The following SMAP1 variants were observed in gnomAD, a reference collection of about 807,000 sequenced individuals.
SMAP1 encodes the protein stromal membrane-associated protein 1.
In SMAP1, 24 loss-of-function variants were observed where a neutral mutation model predicts 58.5. That is an observed-to-expected ratio of 0.41 (90% CI 0.30 to 0.58). The LOEUF (loss-of-function observed/expected upper bound fraction) is 0.58. Ranked by LOEUF, SMAP1 falls within the 20% of genes least tolerant of loss-of-function variation. The pLI is 0.29. For missense variants in SMAP1, 563 were observed against 566.3 expected, an observed-to-expected ratio of 0.99 and a Z score of 0.06; for synonymous variants, 216 against 196.6, an observed-to-expected ratio of 1.10 and a Z score of -0.82.
At position 70,794,788 on chromosome 6, in the gene SMAP1, CTTTTTTTT is replaced by C. The variant is rs34050089; in HGVS notation, c.495+3030_495+3037del. Among the ~76,000 whole-genome samples, 7 of 114,974 alleles carry C rather than the reference CTTTTTTTT, an allele frequency of 6.1e-5. No individual in the cohort carries two copies. In the South Asian group the frequency reaches 1.7e-3, roughly 28 times the overall value. The allele number at this position is 114,974 out of a possible 152,430, so 75.4% of individuals were successfully genotyped here. ...GGTGTATTGTGCCACATTTTCTTTTCTTTTTTTTTTTTTTTTTTGAGATGGAGTTTCAC... is the reference window on the plus strand; with the variant it reads ...GGTGTATTGTGCCACATTTTCTTTTCTTTTTTTTTTGAGATGGAGTTTCAC... On this transcript the variant is annotated intron_variant, in intron 5 of 10. Transcript: ENST00000370455.
chr6:70,813,576 A>G (rs1769482565), intron 6 of SMAP1, among the ~76,000 whole-genome samples: 2 of 152,070 alleles, frequency 1.3e-5, no homozygotes, highest in African/African-American at 4.8e-5. Context: ...ATCATTTTTT[A>G]CCTTCTCTTC....
chr6:70,699,576 C>G (rs1158982474), intron 1 of SMAP1, among the ~76,000 whole-genome samples: 3 of 151,584 alleles, frequency 2.0e-5, no homozygotes, highest in African/African-American at 7.3e-5. Context: ...CCACTTAATG[C>G]ACTGTTCTGC....
chr6:70,840,572 G>C (rs1474470158), intron 7 of SMAP1, among the ~76,000 whole-genome samples: 1 of 149,540 alleles, frequency 6.7e-6, no homozygotes, highest in African/African-American at 2.6e-5. Context: ...GCATGCTTGT[G>C]TTCCGATCAT....
intron 4 of SMAP1, among the ~76,000 whole-genome samples, chr6:70,781,245 A>G (rs546906069): frequency 8.5e-5 from 13 of 152,294 alleles, no homozygotes; most frequent in Non-Finnish European, 2.9e-5. Context: ...TTAAAATATT[A>G]AATATTAAGA....
intron 4 of SMAP1, among the ~76,000 whole-genome samples, chr6:70,790,236 G>A (rs913501820): frequency 6.6e-6 from 1 of 152,094 alleles, no homozygotes; most frequent in Non-Finnish European, 1.5e-5. Context: ...CGCCTCCCAG[G>A]TTCATGTGAT....
At chr6:70,842,957 G>C (rs1417111102) in intron 7 of SMAP1, among the ~76,000 whole-genome samples, 1 of 152,134 alleles carries the variant, frequency 6.6e-6, no homozygotes, top group East Asian at 1.9e-4. Context: ...GGTACGCTTG[G>C]TCAGAATTGG....
chr6:70,701,615 C>T (rs931041689), intron 1 of SMAP1, among the ~76,000 whole-genome samples: 3 of 152,168 alleles, frequency 2.0e-5, no homozygotes, highest in East Asian at 3.9e-4. Context: ...GATTTCTGCC[C>T]TGTGTCGCTT....
chr6:70,861,930 A>T lies in SMAP1; in HGVS notation c.*1596A>T. The T allele has an allele frequency of 2.5e-6, 4 of 1,614,022 alleles. No homozygotes were observed. On this transcript the variant is annotated 3_prime_UTR_variant, in exon 11 of 11. Coordinates refer to ENST00000370455, the MANE Select transcript of SMAP1 (RefSeq NM_001044305.3). The stretch of plus-strand genomic sequence containing the variant: ...CCCTGGCTGGGATCCACGACGCTTA[A>T]ATACAGCTTTTGGATTGGACAAAAT...
At chr6:70,788,663 C>G (rs1256726030) in intron 4 of SMAP1, among the ~76,000 whole-genome samples, 1 of 151,978 alleles carries the variant, frequency 6.6e-6, no homozygotes, top group Admixed American at 6.6e-5. Context: ...CCCTAGAGTT[C>G]AGAGAAGCAG....
At chr6:70,778,825 T>A (rs1256205567) in intron 4 of SMAP1, among the ~76,000 whole-genome samples, 1 of 152,190 alleles carries the variant, frequency 6.6e-6, no homozygotes, top group African/African-American at 2.4e-5. Context: ...CAGATATATA[T>A]GGTGGCCATG....
At chr6:70,791,838 G>T (rs993731544) in intron 5 of SMAP1, 69 bp downstream of exon 5, 2 of 1,297,634 alleles carry the variant, frequency 1.5e-6, no homozygotes, top group Admixed American at 1.8e-5. Context: ...TTTGCAGTGT[G>T]TCATTCGGGA....
chr6:70,720,087 A>G (rs1196444040), intron 1 of SMAP1, among the ~76,000 whole-genome samples: 2 of 152,218 alleles, frequency 1.3e-5, no homozygotes, highest in Admixed American at 6.5e-5. Context: ...CCTTTTGCCT[A>G]TGAGCATGTA....
intron 6 of SMAP1, among the ~76,000 whole-genome samples, chr6:70,820,198 C>A (rs1339118667): frequency 6.6e-6 from 1 of 151,920 alleles, no homozygotes; most frequent in East Asian, 1.9e-4. Context: ...TGTATTTATA[C>A]CTTTAAGGAA....
chr6:70,757,397 A>C (rs1385621008), intron 3 of SMAP1, among the ~76,000 whole-genome samples: 2 of 151,734 alleles, frequency 1.3e-5, no homozygotes, highest in Non-Finnish European at 2.9e-5. Flanking sequence ...TAAACGTTAG[A>C]CCTAAAACAA....
At chr6:70,679,504 G>A (rs979003947) in intron 1 of SMAP1, among the ~76,000 whole-genome samples, 6 of 152,078 alleles carry the variant, frequency 3.9e-5, no homozygotes, top group African/African-American at 1.4e-4. Flanking sequence ...TTATAGAAAA[G>A]CTATTAGAAT....
chr6:70,699,712 A>G (rs1767549056), intron 1 of SMAP1, among the ~76,000 whole-genome samples: 2 of 151,754 alleles, frequency 1.3e-5, no homozygotes, highest in African/African-American at 4.8e-5. Flanking sequence ...CTGCCTCGCC[A>G]CTGCTGATGT....
chr6:70,802,684 A>G (rs773671357), intron 6 of SMAP1, among the ~76,000 whole-genome samples: 24 of 152,198 alleles, frequency 1.6e-4, no homozygotes, highest in Non-Finnish European at 2.6e-4. Context: ...TGTTTCATCA[A>G]TATCTAGTTT....
chr6:70,727,336 T>C (rs1428739555), intron 1 of SMAP1, among the ~76,000 whole-genome samples: 1 of 152,230 alleles, frequency 6.6e-6, no homozygotes, highest in African/African-American at 2.4e-5. Context: ...CTTGAATTCC[T>C]GGCCTTAAGT....
At chr6:70,846,683 C>T (rs781596978) in intron 7 of SMAP1, among the ~76,000 whole-genome samples, 13 of 152,110 alleles carry the variant, frequency 8.5e-5, no homozygotes, top group Non-Finnish European at 1.6e-4. Flanking sequence ...GAGCTTGTGC[C>T]AAGTACTATG....
Sources: allele counts gnomAD v4.1 joint callset (sites outside exome capture counted in the v4.1 genomes callset), GRCh38; gene constraint gnomAD v4.1.1; transcripts MANE v1.5; gene names NCBI Gene and HGNC (gene_info 2026-07-23, HGNC 2026-07-21).